MTUS2: variants seen among roughly 807,000 people sequenced by gnomAD.
The protein encoded by MTUS2 is microtubule associated scaffold protein 2.
Under a neutral mutation model 114.1 loss-of-function variants are expected in MTUS2, and 40 were observed. That is an observed-to-expected ratio of 0.35 (90% CI 0.27 to 0.46). The LOEUF (loss-of-function observed/expected upper bound fraction) is 0.46, where lower values mean the gene tolerates loss of function less well. Among genes scored for constraint, MTUS2 ranks in the 20% least tolerant of loss-of-function variants. The probability of loss-of-function intolerance (pLI) is 1.00; values close to 1 mark genes in which losing one functional copy is unlikely to be tolerated. For missense variants in MTUS2, 1,679 were observed against 1,705.4 expected (o/e 0.98, Z 0.27); for synonymous variants, 688 against 672.0 (o/e 1.02, Z -0.37).
At chr13:29,321,998 C>T (rs908536025) in intron 6 of MTUS2, among the ~76,000 whole-genome samples, 1 of 152,008 alleles carries the variant, frequency 6.6e-6, no homozygotes, top group Non-Finnish European at 1.5e-5. Context: ...TTTGAATATG[C>T]CACAGTTCAT....
chr13:29,022,336 G>T (rs189051534), intron 2 of MTUS2, among the ~76,000 whole-genome samples: 1 of 152,198 alleles, frequency 6.6e-6, no homozygotes. Flanking sequence ...TGGGTGATGG[G>T]CTGTCACGTG....
intron 8 of MTUS2, among the ~76,000 whole-genome samples, chr13:29,404,376 C>T (rs769992872): frequency 2.0e-5 from 3 of 151,984 alleles, no homozygotes; most frequent in Non-Finnish European, 4.4e-5. Context: ...AAAAAGTTAG[C>T]AGGGCATGGT....
At chr13:29,117,689 T>A (rs1593494762) in intron 5 of MTUS2, among the ~76,000 whole-genome samples, 1 of 152,142 alleles carries the variant, frequency 6.6e-6, no homozygotes, top group East Asian at 1.9e-4. Flanking sequence ...GGTGAATTAT[T>A]TTTCCAGCAC....
At chr13:29,235,574 G>T (rs900815205) in intron 5 of MTUS2, among the ~76,000 whole-genome samples, 1 of 152,042 alleles carries the variant, frequency 6.6e-6, no homozygotes, top group African/African-American at 2.4e-5. Context: ...TAAACGTGTG[G>T]TCTGAAATGC....
chr13:29,117,603 C>G (rs895250258), intron 5 of MTUS2, among the ~76,000 whole-genome samples: 5 of 152,190 alleles, frequency 3.3e-5, no homozygotes, highest in Admixed American at 3.3e-4. Flanking sequence ...CTCCCCACCT[C>G]TTGCACAAAT....
At chr13:29,147,592 T>TCC (rs1343381914) in intron 5 of MTUS2, among the ~76,000 whole-genome samples, 2 of 152,118 alleles carry the variant, frequency 1.3e-5, no homozygotes, top group Admixed American at 1.3e-4. Context: ...CTTCTCTCTC[T>TCC]CTCCCCGCTG....
chr13:29,332,931 G>A lies in MTUS2; in HGVS notation c.2905+8220G>A, dbSNP rs1271977025. Among the ~76,000 whole-genome samples, 7 of 151,944 alleles carry A rather than the reference G, an allele frequency of 4.6e-5. No individual in the cohort carries two copies. In the East Asian group the frequency reaches 5.8e-4, roughly 13 times the overall value. ...ATTACAGGCGTGAGCCACCGCGCCC[G>A]GCCTTCTCTAGTTCTTTTAATTGTG... On this transcript the variant is annotated intron_variant, in intron 7 of 15. Coordinates refer to ENST00000612955, the MANE Select transcript of MTUS2 (RefSeq NM_001033602.4).
chr13:29,041,997 A>G (rs1269414948), intron 4 of MTUS2, among the ~76,000 whole-genome samples: 2 of 152,144 alleles, frequency 1.3e-5, no homozygotes, highest in African/African-American at 4.8e-5. Flanking sequence ...GACTTCCAGT[A>G]CTATGTTGAA....
chr13:28,879,642 A>G (rs988560101), intron 2 of MTUS2, among the ~76,000 whole-genome samples: 1 of 152,194 alleles, frequency 6.6e-6, no homozygotes, highest in Non-Finnish European at 1.5e-5. Flanking sequence ...TTTCTCCTGA[A>G]TAGGATATTT....
chr13:29,486,637 T>C (rs1881634152), intron 10 of MTUS2, among the ~76,000 whole-genome samples: 1 of 152,244 alleles, frequency 6.6e-6, no homozygotes, highest in South Asian at 2.1e-4. Flanking sequence ...ATTATTAGCT[T>C]GTGAAATAAA....
chr13:29,235,015 C>T (rs1247554605), intron 5 of MTUS2, among the ~76,000 whole-genome samples: 2 of 152,070 alleles, frequency 1.3e-5, no homozygotes, highest in East Asian at 1.9e-4. Flanking sequence ...ATGATATTTT[C>T]AGTGGATTAT....
intron 4 of MTUS2, among the ~76,000 whole-genome samples, chr13:29,077,808 A>G (rs974619274): frequency 6.6e-6 from 1 of 152,202 alleles, no homozygotes; most frequent in Non-Finnish European, 1.5e-5. Flanking sequence ...AGAACGTTTG[A>G]CAATGTTGGA....
In MTUS2 at chr13:29,505,304, C is replaced by T. The variant is rs1016543494; in HGVS notation, c.*2098C>T. On this transcript the variant is annotated 3_prime_UTR_variant, in exon 16 of 16. Transcript: ENST00000612955. ...TACTGACTTCCGTGTGATGCTAGAACGTGGTACAGTGTATTAGGCTGCTGT... is the reference window on the plus strand; with the variant it reads ...TACTGACTTCCGTGTGATGCTAGAATGTGGTACAGTGTATTAGGCTGCTGT... The T allele has an allele frequency of 6.1e-5, 14 of 231,376 alleles. No individual in the cohort carries two copies. Among genetic ancestry groups the T allele is most frequent in the Non-Finnish European group, 1.1e-4 (13 of 116,674 alleles). 14.3% of individuals were successfully genotyped at this position (231,376 alleles called of 1,614,324 possible).
intron 2 of MTUS2, among the ~76,000 whole-genome samples, chr13:28,971,370 A>G (rs985393511): frequency 2.4e-4 from 36 of 152,206 alleles, no homozygotes; most frequent in African/African-American, 8.0e-4. Flanking sequence ...ATGGAACTCC[A>G]TGGTCTGGTG....
chr13:29,188,020 C>T (rs144509503), intron 5 of MTUS2, among the ~76,000 whole-genome samples: 2 of 152,340 alleles, frequency 1.3e-5, no homozygotes, highest in Non-Finnish European at 2.9e-5. Flanking sequence ...CCTAGCCTGA[C>T]TGTCCATCAC....
chr13:29,101,111 A>G (rs1536718), intron 5 of MTUS2, 141 bp downstream of exon 5: 666,159 of 954,340 alleles, frequency 0.7, 238,083 homozygotes, highest in Non-Finnish European at 0.74. Context: ...TTATTCATCT[A>G]CTGAAGAAAA....
rs74572005 is a variant in MTUS2 at position 29,395,544 on chromosome 13, C to T, written c.3117+36071C>T. The stretch of plus-strand genomic sequence containing the variant: ...GAGATGTCAGTTGAGAAGGTAGGGT[C>T]TCCTCACTCAAAGGGTACCTGCAAA... On this transcript the variant is annotated intron_variant, in intron 8 of 15. Transcript: ENST00000612955. 5.6e-3 allele frequency among the ~76,000 whole-genome samples: 858 copies of T among 152,242 alleles called. 6 individuals carry two copies. Among genetic ancestry groups the T allele is most frequent in the African/African-American group, 0.02 (818 of 41,550 alleles).
At chr13:28,828,739 A>C (rs1377522912) in intron 1 of MTUS2, among the ~76,000 whole-genome samples, 1 of 152,150 alleles carries the variant, frequency 6.6e-6, no homozygotes, top group Non-Finnish European at 1.5e-5. Flanking sequence ...AATACAAATA[A>C]ATATTTTATG....
At chr13:29,090,448 A>C (rs1170261698) in intron 4 of MTUS2, among the ~76,000 whole-genome samples, 2 of 152,080 alleles carry the variant, frequency 1.3e-5, no homozygotes, top group Non-Finnish European at 2.9e-5. Context: ...CACTGTAGTC[A>C]GGGGGCTGCA....
Sources: gnomAD v4.1 joint callset for allele counts (sites outside exome capture counted in the v4.1 genomes callset) on GRCh38, gnomAD v4.1.1 for gene constraint, MANE v1.5 for transcripts, NCBI Gene and HGNC (gene_info 2026-07-23, HGNC 2026-07-21) for gene names.